The following CIAO3 variants were observed in gnomAD, a reference collection of about 807,000 sequenced individuals.
The protein encoded by CIAO3 is cytosolic iron-sulfur assembly component 3, also known as LET1 like/JFP15.
A neutral mutation model predicts 51.5 loss-of-function variants in CIAO3; 45 were observed. The ratio of observed to expected loss-of-function variants is 0.87; its 90% CI spans 0.69 to 1.12. The LOEUF (loss-of-function observed/expected upper bound fraction) is 1.12. Ranked by LOEUF, CIAO3 falls within the 50% of genes most tolerant of loss-of-function variation. The probability of loss-of-function intolerance (pLI) is 0.00; values close to 1 mark genes in which losing one functional copy is unlikely to be tolerated. For missense variants in CIAO3, 668 were observed against 632.5 expected (o/e 1.06, Z -0.60); for synonymous variants, 314 against 269.3 (o/e 1.17, Z -1.63).
intron 8 of CIAO3, 104 bp from the exon 9 acceptor site, chr16:731,806 G>A: frequency 3.6e-6 from 5 of 1,390,766 alleles, no homozygotes; most frequent in Non-Finnish European, 3.8e-6. Flanking sequence ...TTCCAGGTGG[G>A]AGACAAGTCA....
rs1237065111 is a variant in CIAO3 at position 729,956 on chromosome 16, G to C, written c.*461C>G. ...CCTGCCAGGGTCCACACGCAGGGTT[G>C]TGGCGGGACCACCCCTGCAGGTCCA... is the stretch of plus-strand genomic sequence containing the variant. On this transcript the variant is annotated 3_prime_UTR_variant, in exon 11 of 11. Transcript: ENST00000251588. The C allele has an allele frequency of 1.4e-5, 5 of 344,940 alleles. No homozygotes were observed. Among genetic ancestry groups the C allele is most frequent in the Middle Eastern group, 9.7e-4 (1 of 1,026 alleles). The allele number at this position is 344,940 out of a possible 1,614,324, so 21.4% of individuals were successfully genotyped here.
rs2041334710 is a variant in CIAO3 at position 736,144 on chromosome 16, T to C, written c.439+122A>G. 6.2e-6 allele frequency: 8 copies of C among 1,286,684 alleles called. No homozygotes were observed. In the East Asian group the frequency reaches 1.6e-4, roughly 26 times the overall value. The allele number at this position is 1,286,684 out of a possible 1,614,324, so 79.7% of individuals were successfully genotyped here. ...CTGAGGTCACAGAGGGAATAAAGTT[T>C]CTGTAGCGCTGAAGTTCAGGGCTGG... On this transcript the variant is annotated intron_variant, in intron 4 of 10. Transcript: ENST00000251588.
Position 729,804 on chromosome 16 carries a change from G to A in CIAO3, c.*613C>T, listed in dbSNP as rs1000982054. 1 of 1,032,140 alleles carries A rather than the reference G, an allele frequency of 9.7e-7. No individual in the cohort carries two copies. The allele number at this position is 1,032,140 out of a possible 1,614,324, so 63.9% of individuals were successfully genotyped here. Reference sequence around the variant, plus strand: ...TGCGTTTATTAGACAAACGCTGGGAGACAGGCCTGGTGGGGACCTGGCTGG... The same window carrying A: ...TGCGTTTATTAGACAAACGCTGGGAAACAGGCCTGGTGGGGACCTGGCTGG... On this transcript the variant is annotated 3_prime_UTR_variant, in exon 11 of 11. Transcript: ENST00000251588.
rs149182704 is a variant in CIAO3, at chr16:730,884, C to T, written c.1151G>A (p.Arg384His). Reference sequence around the variant, plus strand: ...GACCTCCACGTAGTGGTAGGGGCAGCGCCCTCGTTTGAGCCTCTGCACCAG... The same window carrying T: ...GACCTCCACGTAGTGGTAGGGGCAGTGCCCTCGTTTGAGCCTCTGCACCAG... ...QNLVQRLKRG[R>H]CPYHYVEVMA... is the part of the protein sequence containing the mutation. Residue 384 changes from arginine to histidine, a missense_variant, in exon 10 of 11, where the codon CGC (arginine) becomes CAC (histidine). Coordinates refer to ENST00000251588, the MANE Select transcript of CIAO3 (RefSeq NM_022493.3). 9 of 1,612,738 alleles carry T rather than the reference C, an allele frequency of 5.6e-6. No individual in the cohort carries two copies. Among genetic ancestry groups the T allele is most frequent in the Admixed American group, 3.3e-5 (2 of 60,002 alleles).
At chr16:731,307 A>C in intron 9 of CIAO3, 1 of 604,244 alleles carries the variant, frequency 1.7e-6, no homozygotes, top group East Asian at 3.0e-5. Flanking sequence ...GGCACCCATC[A>C]CCTTTGCCCA....
At position 729,845 on chromosome 16, in the gene CIAO3, G is replaced by T; in HGVS notation, c.*572C>A. 1.7e-6 allele frequency: 1 copy of T among 588,914 alleles called. No homozygotes were observed. Among genetic ancestry groups the T allele is most frequent in the Non-Finnish European group, 2.6e-6 (1 of 385,756 alleles). 36.5% of individuals were successfully genotyped at this position (588,914 alleles called of 1,614,324 possible). ...ACCTGGCTGGGGGATGATGCAGCCCGCGATGGCTGCTGCTTCGTACTTGGC... is the reference window on the plus strand; with the variant it reads ...ACCTGGCTGGGGGATGATGCAGCCCTCGATGGCTGCTGCTTCGTACTTGGC... On this transcript the variant is annotated 3_prime_UTR_variant, in exon 11 of 11. Transcript: ENST00000251588.
intron 9 of CIAO3, 171 bp downstream of exon 9, chr16:731,394 A>C (rs1596669565): frequency 1.1e-6 from 1 of 951,704 alleles, no homozygotes; most frequent in East Asian, 2.9e-5. Flanking sequence ...GTGCCTTCAC[A>C]CCCTGAGCCC....
In CIAO3 at chr16:730,934, C is replaced by T. The variant is rs143357956; in HGVS notation, c.1101G>A (p.Ala367=). ...EGQVLLHFAM[A]YGFRNIQNLV... is the part of the protein sequence containing the mutation. ...GGTTCTGGATGTTGCGGAAGCCGTA[C>T]GCCATTGCGAAGTGCAGCAGCACCT... Residue 367 remains alanine, a synonymous_variant, in exon 10 of 11, where the codon GCG becomes GCA. Transcript: ENST00000251588. 98 of 1,612,864 alleles carry T rather than the reference C, an allele frequency of 6.1e-5. No individual in the cohort carries two copies. Among genetic ancestry groups the T allele is most frequent in the Admixed American group, 3.0e-4 (18 of 60,000 alleles).
At chr16:735,099 C>T in intron 4 of CIAO3, 2 of 521,548 alleles carry the variant, frequency 3.8e-6, no homozygotes, top group South Asian at 7.3e-5. Context: ...CCCTGTGAAC[C>T]CAGGCCTTGG....
At position 730,818 on chromosome 16, in the gene CIAO3, G is replaced by A. The variant is rs371880529; in HGVS notation, c.1192+25C>T. Reference sequence around the variant, plus strand: ...AGCTCTGCTCCCAGAAGGGGTCCTCGTGTCCTGTCCCTTGCAGGAGCTACC... The same window carrying A: ...AGCTCTGCTCCCAGAAGGGGTCCTCATGTCCTGTCCCTTGCAGGAGCTACC... On this transcript the variant is annotated intron_variant, in intron 10 of 10. Coordinates refer to ENST00000251588, the MANE Select transcript of CIAO3 (RefSeq NM_022493.3). 99 of 1,610,606 alleles carry A rather than the reference G, an allele frequency of 6.1e-5. No individual in the cohort carries two copies. In the South Asian group the frequency reaches 8.6e-4, roughly 14 times the overall value.
intron 2 of CIAO3, among the ~76,000 whole-genome samples, chr16:738,888 C>A (rs569270401): frequency 3.3e-5 from 5 of 150,368 alleles, no homozygotes; most frequent in Admixed American, 1.3e-4. Flanking sequence ...ATCCGCCCCC[C>A]CTACCCTGGC....
Position 729,773 on chromosome 16 carries a change from G to A in CIAO3, c.*644C>T. On this transcript the variant is annotated 3_prime_UTR_variant, in exon 11 of 11. Coordinates refer to ENST00000251588, the MANE Select transcript of CIAO3 (RefSeq NM_022493.3). ...AGCTGTTTTCGTAGGCGTGTTTTAG[G>A]AGGGGTGCGTTTATTAGACAAACGC... The A allele has an allele frequency of 2.3e-6, 3 of 1,306,404 alleles. No homozygotes were observed. Among genetic ancestry groups the A allele is most frequent in the Non-Finnish European group, 3.0e-6 (3 of 1,000,476 alleles). 80.9% of individuals were successfully genotyped at this position (1,306,404 alleles called of 1,614,324 possible).
intron 9 of CIAO3, chr16:731,325 C>T: frequency 1.6e-6 from 1 of 629,446 alleles, no homozygotes; most frequent in Non-Finnish European, 2.6e-6. Flanking sequence ...CCATGCTGGC[C>T]TCTCGGGCTC....
At chr16:736,504 G>GCCCT in intron 3 of CIAO3, 106 bp from the exon 4 acceptor site, 3 of 1,358,200 alleles carry the variant, frequency 2.2e-6, no homozygotes, top group Non-Finnish European at 3.0e-6. Context: ...GGGCAGGCCA[G>GCCCT]CTCCATCAAG....
chr16:733,225 C>T (rs1021308024), intron 7 of CIAO3, 73 bp downstream of exon 7: 82 of 1,575,990 alleles, frequency 5.2e-5, no homozygotes, highest in East Asian at 1.8e-4. Flanking sequence ...CCTGGGCAGT[C>T]GCCACCTGTG....
At position 734,229 on chromosome 16, in the gene CIAO3, C is replaced by T. The variant is rs2041314453; in HGVS notation, c.693G>A (p.Gln231=). 6.2e-7 allele frequency: 1 copy of T among 1,611,056 alleles called. No homozygotes were observed. Among genetic ancestry groups the T allele is most frequent in the Non-Finnish European group, 8.5e-7 (1 of 1,179,732 alleles). The part of the protein sequence containing the change: ...SLVKDFFAQQ[Q]HLTPDKIYHV... ...TCTGGGGCTGGCCCAACGCCGTTAC[C>T]TGCTGCTGGGCGAAGAAGTCCTTGA... is the stretch of plus-strand genomic sequence containing the variant. Residue 231 remains glutamine (Q), a splice_region_variant and synonymous_variant, in exon 6 of 11, where the codon CAG becomes CAA. Coordinates refer to ENST00000251588, the MANE Select transcript of CIAO3 (RefSeq NM_022493.3).
intron 2 of CIAO3, among the ~76,000 whole-genome samples, chr16:738,811 C>T (rs2041364343): frequency 6.6e-6 from 1 of 150,670 alleles, no homozygotes; most frequent in Admixed American, 6.6e-5. Flanking sequence ...CGACACCCAA[C>T]TAATTTTTGT....
At chr16:732,938 A>C (rs1412766181) in intron 7 of CIAO3, 1 of 324,162 alleles carries the variant, frequency 3.1e-6, no homozygotes. Flanking sequence ...GCCCGGCCAC[A>C]GTTTGCTTTT....
Position 734,232 on chromosome 16 carries a change from C to A in CIAO3, c.690G>T (p.Gln230His). The A allele has an allele frequency of 6.2e-7, 1 of 1,611,094 alleles. No homozygotes were observed. The highest frequency in any genetic ancestry group is 8.5e-7 in the Non-Finnish European group (1 of 1,179,684). The change falls in exon 6 of 11, where the codon CAG becomes CAT. Residue 230 changes from glutamine (Q) to histidine (H), a missense_variant. By Grantham distance (24) the Gln-to-His change is conservative. Transcript: ENST00000251588. Reference protein sequence around the residue: ...GSLVKDFFAQQQHLTPDKIYH... With the variant: ...GSLVKDFFAQHQHLTPDKIYH... ...GGGGCTGGCCCAACGCCGTTACCTGCTGCTGGGCGAAGAAGTCCTTGACCA... is the reference window on the plus strand; with the variant it reads ...GGGGCTGGCCCAACGCCGTTACCTGATGCTGGGCGAAGAAGTCCTTGACCA...
Sources: allele counts gnomAD v4.1 joint callset (sites outside exome capture counted in the v4.1 genomes callset), GRCh38; gene constraint gnomAD v4.1.1; transcripts MANE v1.5; gene names NCBI Gene and HGNC (gene_info 2026-07-23, HGNC 2026-07-21).